PLA2R1: variants seen among roughly 807,000 people sequenced by gnomAD.
PLA2R1 encodes the protein phospholipase A2 receptor 1.
In PLA2R1, 158 loss-of-function variants were observed where a neutral mutation model predicts 195.9. The ratio of observed to expected loss-of-function variants is 0.81; its 90% CI spans 0.71 to 0.92. PLA2R1 has a LOEUF of 0.92. Ranked by LOEUF, PLA2R1 falls within the 40% of genes least tolerant of loss-of-function variation. PLA2R1 has a pLI of 0.00. For synonymous variants in PLA2R1, 586 were observed against 598.2 expected (o/e 0.98, Z 0.30); for missense variants, 1,626 against 1,764.6 (o/e 0.92, Z 1.41).
At chr2:160,001,825 G>A (rs1338262492) in intron 11 of PLA2R1, among the ~76,000 whole-genome samples, 2 of 151,666 alleles carry the variant, frequency 1.3e-5, no homozygotes, top group Non-Finnish European at 3.0e-5. Context: ...ACAAAAATTC[G>A]ACAGAACTAC....
intron 12 of PLA2R1, among the ~76,000 whole-genome samples, chr2:159,986,499 G>A (rs1364362131): frequency 1.3e-5 from 2 of 152,052 alleles, no homozygotes; most frequent in East Asian, 3.9e-4. Context: ...AACTGGTTAG[G>A]TGTTTAGAGT....
At chr2:159,929,874 A>G (rs542684218), downstream of PLA2R1, among the ~76,000 whole-genome samples, 267 of 150,394 alleles carry the variant, frequency 1.8e-3, no homozygotes, top group Non-Finnish European at 2.9e-3. Context: ...GTGTGTGTGT[A>G]TATATATATA....
chr2:160,030,822 G>A (rs1159194177), intron 4 of PLA2R1, among the ~76,000 whole-genome samples: 5 of 152,104 alleles, frequency 3.3e-5, no homozygotes, highest in African/African-American at 1.2e-4. Flanking sequence ...ACAGACTTCT[G>A]TTTTTCCAAA....
intron 24 of PLA2R1, among the ~76,000 whole-genome samples, chr2:159,950,861 T>G (rs1476680595): frequency 6.6e-6 from 1 of 152,264 alleles, no homozygotes; most frequent in Non-Finnish European, 1.5e-5. Flanking sequence ...AAAATGAAAA[T>G]AACGTATTCT....
Position 160,042,186 on chromosome 2 carries a change from A to C in PLA2R1, c.506T>G (p.Ile169Ser). ...CGGCATCCCGTGGGTGTTCCCTTTG[A>C]TTGTATGCAAATCTAGGAGAAAGAA... ...CEYLHKDLHT[I>S]KGNTHGMPCM... The change falls in exon 3 of 30, where the codon ATC becomes AGC. Residue 169 changes from isoleucine (I) to serine (S), a missense_variant. By Grantham distance (142) the Ile-to-Ser change is moderately radical. Coordinates refer to ENST00000283243, the MANE Select transcript of PLA2R1 (RefSeq NM_007366.5). The C allele has an allele frequency of 6.2e-7, 1 of 1,613,186 alleles. No individual in the cohort carries two copies. Among genetic ancestry groups the C allele is most frequent in the Non-Finnish European group, 8.5e-7 (1 of 1,179,332 alleles).
intron 1 of PLA2R1, among the ~76,000 whole-genome samples, chr2:160,047,653 T>A (rs1694955529): frequency 6.6e-6 from 1 of 152,234 alleles, no homozygotes; most frequent in South Asian, 2.1e-4. Context: ...ATTAAGAGCC[T>A]TCATCTGTTG....
At chr2:159,973,549 G>T (rs922024881) in intron 17 of PLA2R1, among the ~76,000 whole-genome samples, 1 of 152,062 alleles carries the variant, frequency 6.6e-6, no homozygotes, top group African/African-American at 2.4e-5. Flanking sequence ...CTTCCACTAT[G>T]TAAGGATACA....
At chr2:160,010,838 T>C (rs2248403) in intron 10 of PLA2R1, among the ~76,000 whole-genome samples, 15,103 of 152,156 alleles carry the variant, frequency 0.099, 1,561 homozygotes, top group African/African-American at 0.26. Flanking sequence ...GAGTCCTGTG[T>C]TGGAGTTGCT....
chr2:160,024,071 C>A (rs1018296165), intron 6 of PLA2R1, among the ~76,000 whole-genome samples: 1 of 152,174 alleles, frequency 6.6e-6, no homozygotes, highest in Admixed American at 6.5e-5. Context: ...GAGGGAGCTG[C>A]CTGGAGTCTA....
chr2:160,039,602 T>C (rs1189134562), intron 3 of PLA2R1, among the ~76,000 whole-genome samples: 1 of 152,122 alleles, frequency 6.6e-6, no homozygotes, highest in Admixed American at 6.5e-5. Context: ...CCTATCCACT[T>C]GTTGACCCCA....
At chr2:160,013,719 C>CTG (rs1375348885) in intron 9 of PLA2R1, among the ~76,000 whole-genome samples, 7,333 of 111,902 alleles carry the variant, frequency 0.066, 728 homozygotes, top group African/African-American at 0.23. Flanking sequence ...CTCTCTCTCT[C>CTG]TCTGTGTGTG....
rs201969665 is a variant in PLA2R1, at chr2:160,044,981, C to A, written c.286G>T (p.Ala96Ser). 6.2e-7 allele frequency: 1 copy of A among 1,613,986 alleles called. No individual in the cohort carries two copies. Among genetic ancestry groups the A allele is most frequent in the East Asian group, 2.2e-5 (1 of 44,874 alleles). The change falls in exon 2 of 30, where the codon GCC (alanine) becomes TCC (serine). Residue 96 changes from alanine to serine, a missense_variant. By Grantham distance (99) the Ala-to-Ser change is moderately conservative (BLOSUM62 1). Coordinates refer to ENST00000283243, the MANE Select transcript of PLA2R1 (RefSeq NM_007366.5). Reference protein sequence around the residue: ...GSGCLGLNFSAPEQPLSLYEC... With the variant: ...GSGCLGLNFSSPEQPLSLYEC... ...TATAAGCTTAATGGCTGCTCTGGGGCGGAGAAATTCAGGCCCAGGCAACCA... is the reference window on the plus strand; with the variant it reads ...TATAAGCTTAATGGCTGCTCTGGGGAGGAGAAATTCAGGCCCAGGCAACCA...
intron 25 of PLA2R1, among the ~76,000 whole-genome samples, chr2:159,947,990 A>G (rs773082787): frequency 1.3e-5 from 2 of 152,216 alleles, no homozygotes; most frequent in Non-Finnish European, 2.9e-5. Flanking sequence ...CTTACCCACT[A>G]ATAAACCTGT....
chr2:159,924,165 CT>C, the PLA2R1 span, among the ~76,000 whole-genome samples: 1 of 152,306 alleles, frequency 6.6e-6, no homozygotes, highest in South Asian at 2.1e-4. Context: ...TCTGGCCCAT[CT>C]TTATATGACC....
At chr2:159,978,049 T>C (rs978808311) in intron 14 of PLA2R1, among the ~76,000 whole-genome samples, 1 of 152,240 alleles carries the variant, frequency 6.6e-6, no homozygotes, top group African/African-American at 2.4e-5. Context: ...TGGGAAAATT[T>C]TCTAGCCTTG....
intron 3 of PLA2R1, among the ~76,000 whole-genome samples, chr2:160,037,757 C>T (rs1694251339): frequency 6.6e-6 from 1 of 152,180 alleles, no homozygotes; most frequent in Non-Finnish European, 1.5e-5. Context: ...ACAACTTCTA[C>T]TCATCTCTTG....
At chr2:159,946,739 T>C (rs1186806364) in intron 27 of PLA2R1, 62 bp downstream of exon 27, 1 of 1,500,068 alleles carries the variant, frequency 6.7e-7, no homozygotes, top group East Asian at 2.6e-5. Flanking sequence ...ACAGATGCCA[T>C]TATCATCAGC....
At position 159,941,730 on chromosome 2, in the gene PLA2R1, A is replaced by C; in HGVS notation, c.*48T>G. ...GGAAAGACAGATGAGACTCCTGTTT[A>C]GTCTTCTTTACTTACCCTGGTGTCT... On this transcript the variant is annotated 3_prime_UTR_variant, in exon 30 of 30. Transcript: ENST00000283243. 1 of 972,178 alleles carries C rather than the reference A, an allele frequency of 1.0e-6. No homozygotes were observed. Among genetic ancestry groups the C allele is most frequent in the Non-Finnish European group, 1.6e-6 (1 of 610,480 alleles). The allele number at this position is 972,178 out of a possible 1,614,324, so 60.2% of individuals were successfully genotyped here.
chr2:160,048,490 A>C (rs1695023553), intron 1 of PLA2R1, among the ~76,000 whole-genome samples: 1 of 152,232 alleles, frequency 6.6e-6, no homozygotes, highest in Non-Finnish European at 1.5e-5. Flanking sequence ...CCATAAATTC[A>C]CTGAAAAGAA....
Sources: gnomAD v4.1 joint callset for allele counts (sites outside exome capture counted in the v4.1 genomes callset) on GRCh38, gnomAD v4.1.1 for gene constraint, MANE v1.5 for transcripts, NCBI Gene and HGNC (gene_info 2026-07-23, HGNC 2026-07-21) for gene names.